Variants in RNLS observed in about 807,000 individuals in gnomAD.
RNLS encodes renalase, FAD dependent amine oxidase.
RNLS carries 39 observed loss-of-function variants against 39.8 expected under a neutral mutation model. The ratio of observed to expected loss-of-function variants is 0.98; its 90% CI spans 0.76 to 1.28. The LOEUF (loss-of-function observed/expected upper bound fraction) is 1.28, where lower values mean the gene tolerates loss of function less well. Among genes scored for constraint, RNLS ranks in the 50% most tolerant of loss-of-function variants. The pLI, the probability that RNLS is intolerant of heterozygous loss-of-function variation, is 0.00. For missense variants in RNLS, 410 were observed against 413.3 expected, an observed-to-expected ratio of 0.99 and a Z score of 0.07; for synonymous variants, 147 against 150.7, an observed-to-expected ratio of 0.98 and a Z score of 0.18.
intron 4 of RNLS, among the ~76,000 whole-genome samples, chr10:88,492,517 C>T (rs1352776022): frequency 6.7e-6 from 1 of 149,992 alleles, no homozygotes; most frequent in East Asian, 2.0e-4. Context: ...CTCCCAGGCT[C>T]AAGCGATTCT....
Position 88,355,261 on chromosome 10 carries a change from C to G in RNLS, c.700+7291G>C, listed in dbSNP as rs559291266. 7.2e-5 allele frequency among the ~76,000 whole-genome samples: 11 copies of G among 152,326 alleles called. No homozygotes were observed. In the South Asian group the frequency reaches 2.3e-3, roughly 32 times the overall value. On this transcript the variant is annotated intron_variant, in intron 5 of 6. Coordinates refer to ENST00000331772, the MANE Select transcript of RNLS (RefSeq NM_001031709.3). ...GTTTTGTTCCGTTGCTGGTGAGGAG[C>G]TGCATTCCTTTGGAGGAGGAGAGGC...
At chr10:88,577,727 T>C (rs933918585) in intron 3 of RNLS, among the ~76,000 whole-genome samples, 2 of 152,198 alleles carry the variant, frequency 1.3e-5, no homozygotes, top group Non-Finnish European at 2.9e-5. Context: ...GTGAAATTGA[T>C]GCCAATAAAT....
intron 4 of RNLS, among the ~76,000 whole-genome samples, chr10:88,414,688 T>C (rs1453490591): frequency 6.6e-6 from 1 of 151,962 alleles, no homozygotes; most frequent in Non-Finnish European, 1.5e-5. Flanking sequence ...AAGATGGGAG[T>C]TGGAAGTATT....
At chr10:88,283,724 C>T (rs116264951), downstream of RNLS, among the ~76,000 whole-genome samples, 681 of 152,116 alleles carry the variant, frequency 4.5e-3, 4 homozygotes, top group African/African-American at 0.016. Context: ...AAACCAAATA[C>T]CACAGGTTCT....
intron 5 of RNLS, among the ~76,000 whole-genome samples, chr10:88,315,032 A>C (rs1845653275): frequency 6.6e-6 from 1 of 152,188 alleles, no homozygotes; most frequent in South Asian, 2.1e-4. Context: ...AATTCTGAGA[A>C]CAAAGTATAT....
At chr10:88,547,079 G>C (rs958355362) in intron 4 of RNLS, among the ~76,000 whole-genome samples, 2 of 152,198 alleles carry the variant, frequency 1.3e-5, no homozygotes, top group African/African-American at 4.8e-5. Context: ...ACAGGAGCGT[G>C]AGCTTTTTCA....
At chr10:88,290,081 TGAAAG>T (rs10579118) in intron 6 of RNLS, among the ~76,000 whole-genome samples, 8,169 of 152,220 alleles carry the variant, frequency 0.054, 279 homozygotes, top group African/African-American at 0.093. Flanking sequence ...AAATTAAAGA[TGAAAG>T]GAAAGAGGTA....
At chr10:88,467,926 T>C (rs947086149) in intron 4 of RNLS, among the ~76,000 whole-genome samples, 4 of 152,212 alleles carry the variant, frequency 2.6e-5, no homozygotes, top group Admixed American at 6.5e-5. Flanking sequence ...TCTGCATGCA[T>C]ATTACACTTT....
chr10:88,246,621 C>CT, the RNLS span, among the ~76,000 whole-genome samples: 1 of 151,818 alleles, frequency 6.6e-6, no homozygotes, highest in South Asian at 2.1e-4. Context: ...ATAAATCCCG[C>CT]TTTTTTTTCC....
chr10:88,197,626 G>T, the RNLS span, among the ~76,000 whole-genome samples: 22 of 152,178 alleles, frequency 1.4e-4, no homozygotes, highest in African/African-American at 5.1e-4. Flanking sequence ...GGATTGAATT[G>T]TTTCCCCCTC....
intron 4 of RNLS, among the ~76,000 whole-genome samples, chr10:88,509,758 T>C (rs1846000634): frequency 6.6e-6 from 1 of 152,050 alleles, no homozygotes; most frequent in African/African-American, 2.4e-5. Context: ...AAGGCTTAAA[T>C]AGTAACACCT....
chr10:88,261,091 A>C, the RNLS span, among the ~76,000 whole-genome samples: 1 of 152,248 alleles, frequency 6.6e-6, no homozygotes, highest in African/African-American at 2.4e-5. Flanking sequence ...ATTTCTGATA[A>C]TGGCTGGAAA....
chr10:88,380,972 ACTGT>A (rs1201019968), intron 4 of RNLS, among the ~76,000 whole-genome samples: 5 of 152,142 alleles, frequency 3.3e-5, no homozygotes, highest in African/African-American at 1.2e-4. Flanking sequence ...CTATTTCTAG[ACTGT>A]CTATTCTGAA....
intron 4 of RNLS, among the ~76,000 whole-genome samples, chr10:88,490,806 T>G (rs2134063362): frequency 6.6e-6 from 1 of 152,232 alleles, no homozygotes; most frequent in South Asian, 2.1e-4. Context: ...TGTGACATAC[T>G]GAAACCTCAA....
At chr10:88,437,686 T>A (rs1841487260) in intron 4 of RNLS, among the ~76,000 whole-genome samples, 1 of 152,160 alleles carries the variant, frequency 6.6e-6, no homozygotes, top group African/African-American at 2.4e-5. Flanking sequence ...TTTCAGGGAA[T>A]AGAGGGAGGA....
At chr10:88,364,185 T>C (rs1485719684) in intron 4 of RNLS, among the ~76,000 whole-genome samples, 1 of 152,122 alleles carries the variant, frequency 6.6e-6, no homozygotes, top group African/African-American at 2.4e-5. Flanking sequence ...GGAAGGCTCA[T>C]TCAGACATGG....
At chr10:88,467,117 A>G (rs1367005763) in intron 4 of RNLS, among the ~76,000 whole-genome samples, 1 of 152,068 alleles carries the variant, frequency 6.6e-6, no homozygotes, top group Non-Finnish European at 1.5e-5. Context: ...TGACGCAACC[A>G]TATTTATCTC....
At chr10:88,309,931 C>T (rs1390687209) in intron 6 of RNLS, among the ~76,000 whole-genome samples, 5 of 152,106 alleles carry the variant, frequency 3.3e-5, no homozygotes, top group East Asian at 1.9e-4. Context: ...ATACTGTTTG[C>T]GGCCAGGTGT....
intron 5 of RNLS, among the ~76,000 whole-genome samples, chr10:88,344,958 T>C (rs777752892): frequency 3.9e-5 from 6 of 152,170 alleles, no homozygotes; most frequent in Non-Finnish European, 8.8e-5. Context: ...ATATGGATTC[T>C]TCTCATTATA....
Sources: gnomAD v4.1 joint callset for allele counts (sites outside exome capture counted in the v4.1 genomes callset) on GRCh38, gnomAD v4.1.1 for gene constraint, MANE v1.5 for transcripts, NCBI Gene and HGNC (gene_info 2026-07-23, HGNC 2026-07-21) for gene names.